The following GALNT14 variants were observed in gnomAD, a reference collection of about 807,000 sequenced individuals.
GALNT14 encodes the protein polypeptide N-acetylgalactosaminyltransferase 14.
Under a neutral mutation model 77.5 loss-of-function variants are expected in GALNT14, and 60 were observed. The ratio of observed to expected loss-of-function variants is 0.77; its 90% CI spans 0.63 to 0.96. The LOEUF is 0.96. Among genes scored for constraint, GALNT14 ranks in the 40% least tolerant of loss-of-function variants. GALNT14 has a pLI of 0.00. For missense variants in GALNT14, 710 were observed against 731.0 expected (o/e 0.97, Z 0.33); for synonymous variants, 280 against 281.7 (o/e 0.99, Z 0.06).
chr2:31,118,395 A>G (rs1573373932), intron 1 of GALNT14, among the ~76,000 whole-genome samples: 1 of 152,244 alleles, frequency 6.6e-6, no homozygotes, highest in African/African-American at 2.4e-5. Flanking sequence ...ACAAGCCAGT[A>G]GCATAAATAA....
chr2:31,035,600 T>C (rs1281668900), intron 1 of GALNT14, among the ~76,000 whole-genome samples: 22 of 49,600 alleles, frequency 4.4e-4, no homozygotes, highest in East Asian at 3.0e-3. Flanking sequence ...CATATACATA[T>C]ACACACACAC....
intron 6 of GALNT14, among the ~76,000 whole-genome samples, chr2:30,950,398 G>C (rs1666957839): frequency 6.6e-6 from 1 of 152,210 alleles, no homozygotes; most frequent in Non-Finnish European, 1.5e-5. Flanking sequence ...GCGGATGACA[G>C]CTGAAGCCCA....
Position 31,043,235 on chromosome 2 carries a change from C to T in GALNT14, c.130-50228G>A, listed in dbSNP as rs181535599. Among the ~76,000 whole-genome samples the T allele has an allele frequency of 2.5e-3, 386 of 152,290 alleles. 3 individuals are homozygous for T. The highest frequency in any genetic ancestry group is 8.1e-3 in the African/African-American group (335 of 41,568). ...TCAAATCTCACTTTCTCACTCACCC[C>T]CCTGTAATGCTGTAGCCTGCTCCTG... On this transcript the variant is annotated intron_variant, in intron 1 of 14. Coordinates refer to ENST00000349752, the MANE Select transcript of GALNT14 (RefSeq NM_024572.4).
At chr2:31,096,693 A>G (rs112542976) in intron 1 of GALNT14, among the ~76,000 whole-genome samples, 1,607 of 152,304 alleles carry the variant, frequency 0.011, 10 homozygotes, top group South Asian at 0.028. Flanking sequence ...CAATTAAAAC[A>G]TCACAGTCCT....
At position 31,123,181 on chromosome 2, in the gene GALNT14, CA is replaced by C. The variant is rs11397679; in HGVS notation, c.129+14776del. 7.4e-3 allele frequency among the ~76,000 whole-genome samples: 717 copies of C among 96,798 alleles called. 4 individuals are homozygous for C. Among genetic ancestry groups the C allele is most frequent in the African/African-American group, 0.027 (659 of 24,042 alleles). The allele number at this position is 96,798 out of a possible 152,430, so 63.5% of individuals were successfully genotyped here. A position where few individuals can be genotyped will look rare whatever the true frequency, so the allele number is the denominator to read the frequency against. On this transcript the variant is annotated intron_variant, in intron 1 of 14. Coordinates refer to ENST00000349752, the MANE Select transcript of GALNT14 (RefSeq NM_024572.4). Reference sequence around the variant, plus strand: ...TGGGCAACAGAGCGAGACTCCATCTCAAAAAAAAAAAAAAAAAAAACTTTAT... The same window carrying C: ...TGGGCAACAGAGCGAGACTCCATCTCAAAAAAAAAAAAAAAAAAACTTTAT...
intron 2 of GALNT14, among the ~76,000 whole-genome samples, chr2:30,976,606 C>T (rs964076252): frequency 1.7e-4 from 24 of 144,246 alleles, no homozygotes; most frequent in African/African-American, 4.3e-4. Context: ...TGTGCATGTG[C>T]GTGTGCGTGT....
At chr2:31,014,115 A>C (rs1671200946) in intron 1 of GALNT14, among the ~76,000 whole-genome samples, 1 of 152,160 alleles carries the variant, frequency 6.6e-6, no homozygotes, top group Non-Finnish European at 1.5e-5. Flanking sequence ...CATCACCTGT[A>C]AAATGGGGAG....
At chr2:30,967,503 G>A (rs1055159222) in intron 2 of GALNT14, among the ~76,000 whole-genome samples, 1 of 152,202 alleles carries the variant, frequency 6.6e-6, no homozygotes, top group African/African-American at 2.4e-5. Flanking sequence ...ACTCAAGCAT[G>A]GGCTGGGCGT....
intron 1 of GALNT14, among the ~76,000 whole-genome samples, chr2:31,123,118 C>A (rs984713960): frequency 7.3e-6 from 1 of 137,416 alleles, no homozygotes; most frequent in Non-Finnish European, 1.5e-5. Flanking sequence ...GGAGGCGGAG[C>A]TTGCAGTGAG....
chr2:31,031,692 A>G (rs1672423545), intron 1 of GALNT14, among the ~76,000 whole-genome samples: 1 of 152,158 alleles, frequency 6.6e-6, no homozygotes, highest in Non-Finnish European at 1.5e-5. Flanking sequence ...GGAGAAAAAA[A>G]TAAGAGCCTT....
At chr2:31,008,569 A>G (rs1381226573) in intron 1 of GALNT14, among the ~76,000 whole-genome samples, 1 of 152,124 alleles carries the variant, frequency 6.6e-6, no homozygotes, top group Non-Finnish European at 1.5e-5. Context: ...AGTCACTCTC[A>G]GCACATTAAG....
chr2:30,911,264 AG>A (rs1664341131), intron 14 of GALNT14, among the ~76,000 whole-genome samples: 1 of 152,252 alleles, frequency 6.6e-6, no homozygotes, highest in Middle Eastern at 3.4e-3. Context: ...AAAAGTTAAA[AG>A]CAAAATCAAT....
At chr2:30,913,570 G>C (rs549577821) in intron 13 of GALNT14, among the ~76,000 whole-genome samples, 1 of 152,134 alleles carries the variant, frequency 6.6e-6, no homozygotes, top group African/African-American at 2.4e-5. Flanking sequence ...TGGGTGGTTC[G>C]GAGGAACCAC....
intron 1 of GALNT14, among the ~76,000 whole-genome samples, chr2:31,130,783 T>TGTGTGTGTGTGTGTGTGC (rs1181788023): frequency 5.9e-5 from 7 of 118,676 alleles, no homozygotes; most frequent in African/African-American, 2.2e-4. Flanking sequence ...TGTGTGTGTG[T>TGTGTGTGTGTGTGTGTGC]GCGCGCGCAC....
At chr2:31,135,293 G>T (rs1222607243) in intron 1 of GALNT14, among the ~76,000 whole-genome samples, 1 of 152,192 alleles carries the variant, frequency 6.6e-6, no homozygotes, top group African/African-American at 2.4e-5. Flanking sequence ...GCATGTTAAT[G>T]GAGCTCACCA....
chr2:30,932,796 C>T (rs184124520), intron 9 of GALNT14, among the ~76,000 whole-genome samples: 50 of 152,356 alleles, frequency 3.3e-4, no homozygotes, highest in Middle Eastern at 3.4e-3. Flanking sequence ...GAATGCAATT[C>T]TACCACTGGG....
chr2:31,033,925 C>T (rs538805949), intron 1 of GALNT14, among the ~76,000 whole-genome samples: 3 of 152,300 alleles, frequency 2.0e-5, no homozygotes, highest in South Asian at 2.1e-4. Flanking sequence ...TCACATTTAT[C>T]GAGCATTTGA....
At chr2:31,087,971 T>C (rs962140788) in intron 1 of GALNT14, among the ~76,000 whole-genome samples, 5 of 152,246 alleles carry the variant, frequency 3.3e-5, no homozygotes, top group Non-Finnish European at 5.9e-5. Flanking sequence ...CACAGCACAA[T>C]GATAGCGGTC....
intron 1 of GALNT14, among the ~76,000 whole-genome samples, chr2:31,017,511 G>A (rs572694529): frequency 6.6e-6 from 1 of 152,214 alleles, no homozygotes; most frequent in South Asian, 2.1e-4. Flanking sequence ...CAGGTTCTTA[G>A]ATAGATTAAT....
Sources: allele counts gnomAD v4.1 joint callset (sites outside exome capture counted in the v4.1 genomes callset), GRCh38; gene constraint gnomAD v4.1.1; transcripts MANE v1.5; gene names NCBI Gene and HGNC (gene_info 2026-07-23, HGNC 2026-07-21).